The following CDC42BPA variants were observed in gnomAD, a reference collection of about 807,000 sequenced individuals.
The protein encoded by CDC42BPA is CDC42 binding protein kinase alpha.
A neutral mutation model predicts 223.5 loss-of-function variants in CDC42BPA; 80 were observed. The ratio of observed to expected loss-of-function variants is 0.36; its 90% CI spans 0.30 to 0.43. CDC42BPA has a LOEUF of 0.43. Ranked by LOEUF, CDC42BPA falls within the 20% of genes least tolerant of loss-of-function variation. CDC42BPA has a pLI of 1.00. For synonymous variants in CDC42BPA, 694 were observed against 718.6 expected (o/e 0.97, Z 0.55); for missense variants, 1,743 against 2,099.9 (o/e 0.83, Z 3.32).
intron 14 of CDC42BPA, among the ~76,000 whole-genome samples, chr1:227,105,356 C>CTTT (rs35065841): frequency 1.3e-3 from 120 of 91,660 alleles, no homozygotes; most frequent in African/African-American, 2.3e-3. Flanking sequence ...TGCCTATTCT[C>CTTT]TTTTTTTTTT....
intron 21 of CDC42BPA, chr1:227,068,468 C>A (rs1298629881): frequency 6.0e-6 from 1 of 166,650 alleles, no homozygotes; most frequent in African/African-American, 2.4e-5. Context: ...TAAATTTTTA[C>A]TTCATTATGT....
chr1:227,019,116 A>G (rs1208683893), intron 32 of CDC42BPA, among the ~76,000 whole-genome samples: 1 of 152,212 alleles, frequency 6.6e-6, no homozygotes, highest in East Asian at 1.9e-4. Context: ...ATTCCTTTCA[A>G]AACTGGAGTG....
In CDC42BPA at chr1:227,317,525, A is replaced by C. The variant is rs554434493; in HGVS notation, c.-343T>G. On this transcript the variant is annotated 5_prime_UTR_variant, in exon 1 of 37. Transcript: ENST00000366766. Reference sequence around the variant, plus strand: ...CAACACTTCTTTAAAAAAAAAAAAAAAAACTCTTCTCCTTCATTCAAAATT... The same window carrying C: ...CAACACTTCTTTAAAAAAAAAAAAACAAACTCTTCTCCTTCATTCAAAATT... 4.7e-4 allele frequency: 186 copies of C among 393,818 alleles called. No individual in the cohort carries two copies. Among genetic ancestry groups the C allele is most frequent in the African/African-American group, 3.8e-3 (178 of 46,880 alleles). The allele number at this position is 393,818 out of a possible 1,614,324, so 24.4% of individuals were successfully genotyped here.
chr1:227,184,434 T>A (rs1453580225), intron 5 of CDC42BPA, among the ~76,000 whole-genome samples: 1 of 152,118 alleles, frequency 6.6e-6, no homozygotes, highest in Non-Finnish European at 1.5e-5. Flanking sequence ...TGTTCAAGAT[T>A]ATTTTTGCTT....
intron 17 of CDC42BPA, among the ~76,000 whole-genome samples, chr1:227,080,401 T>C (rs1427268926): frequency 1.3e-5 from 2 of 152,118 alleles, no homozygotes; most frequent in Non-Finnish European, 2.9e-5. Flanking sequence ...AAGAAAGAGC[T>C]GATAAAACTA....
At chr1:227,211,874 T>C (rs1371408388) in intron 3 of CDC42BPA, among the ~76,000 whole-genome samples, 1 of 152,102 alleles carries the variant, frequency 6.6e-6, no homozygotes, top group Admixed American at 6.6e-5. Context: ...ATGCAATATA[T>C]GCATGTCAGC....
At chr1:227,136,151 G>A (rs889495687) in intron 10 of CDC42BPA, among the ~76,000 whole-genome samples, 12 of 151,836 alleles carry the variant, frequency 7.9e-5, no homozygotes, top group African/African-American at 2.9e-4. Context: ...AGAAAACAGA[G>A]AAAAAAATAC....
chr1:226,994,548 T>C lies in CDC42BPA; in HGVS notation c.5134-149A>G. Reference sequence around the variant, plus strand: ...TCGGTATAAAGCCCCTTCTATGAGCTGAGGAAGAGGCACGGAACATACAAG... The same window carrying C: ...TCGGTATAAAGCCCCTTCTATGAGCCGAGGAAGAGGCACGGAACATACAAG... On this transcript the variant is annotated intron_variant, in intron 36 of 36. Transcript: ENST00000366766. The surrounding 1 kb of genome is among the most constrained non-coding windows in gnomAD (Gnocchi z 4.0). 1.1e-6 allele frequency: 1 copy of C among 926,640 alleles called. No homozygotes were observed. The highest frequency in any genetic ancestry group is 1.7e-5 in the African/African-American group (1 of 59,482). 57.4% of individuals were successfully genotyped at this position (926,640 alleles called of 1,614,324 possible). A position where few individuals can be genotyped will look rare whatever the true frequency, so the allele number is the denominator to read the frequency against.
intron 2 of CDC42BPA, among the ~76,000 whole-genome samples, chr1:227,237,310 C>G (rs1419677762): frequency 1.3e-5 from 2 of 152,054 alleles, no homozygotes; most frequent in Admixed American, 1.3e-4. Context: ...AAAATCAGAA[C>G]AAAAATAAAA....
intron 2 of CDC42BPA, among the ~76,000 whole-genome samples, chr1:227,245,198 G>A (rs1680703488): frequency 6.6e-6 from 1 of 151,960 alleles, no homozygotes; most frequent in Non-Finnish European, 1.5e-5. Context: ...CCCAACCCAG[G>A]CAGTGCAGCT....
At chr1:227,040,319 T>A (rs557195314) in intron 23 of CDC42BPA, 83 bp from the exon 24 acceptor site, 13 of 758,828 alleles carry the variant, frequency 1.7e-5, no homozygotes, top group Non-Finnish European at 2.5e-5. Flanking sequence ...TACCACTTTC[T>A]AGAATGTTTT....
chr1:227,181,667 C>T (rs374680326), intron 5 of CDC42BPA, among the ~76,000 whole-genome samples: 3 of 152,178 alleles, frequency 2.0e-5, no homozygotes, highest in East Asian at 3.9e-4. Context: ...AGAGTATTTC[C>T]TCCAGTTCTA....
At chr1:227,216,147 C>T (rs924136692) in intron 2 of CDC42BPA, among the ~76,000 whole-genome samples, 4 of 149,404 alleles carry the variant, frequency 2.7e-5, no homozygotes, top group East Asian at 1.9e-4. Flanking sequence ...CACACACACA[C>T]ATAAAATATG....
At chr1:227,228,124 G>A (rs548216680) in intron 2 of CDC42BPA, among the ~76,000 whole-genome samples, 1 of 152,260 alleles carries the variant, frequency 6.6e-6, no homozygotes, top group East Asian at 1.9e-4. Flanking sequence ...GTGGGGAGGT[G>A]GGGGCAGGCC....
intron 5 of CDC42BPA, among the ~76,000 whole-genome samples, chr1:227,162,117 A>G (rs557864035): frequency 5.3e-5 from 8 of 152,310 alleles, no homozygotes; most frequent in Admixed American, 4.6e-4. Flanking sequence ...AGTACTTCTT[A>G]GATTGTAAAG....
chr1:227,168,497 G>GTGTTTTGTTTTTTTTTTTTTTTTTT (rs1302291274), intron 5 of CDC42BPA, among the ~76,000 whole-genome samples: 8 of 80,196 alleles, frequency 1.0e-4, no homozygotes, highest in Admixed American at 1.5e-4. Flanking sequence ...CTTCCCTGGT[G>GTGTTTTGTTTTTTTTTTTTTTTTTT]TTTTTTTTTT....
At chr1:227,019,403 A>C in intron 32 of CDC42BPA, among the ~76,000 whole-genome samples, 1 of 152,152 alleles carries the variant, frequency 6.6e-6, no homozygotes, top group Non-Finnish European at 1.5e-5. Context: ...GGAACCTCTA[A>C]AAGTCATCTA....
intron 3 of CDC42BPA, among the ~76,000 whole-genome samples, chr1:227,206,484 T>G (rs1567802): frequency 0.9 from 137,202 of 152,104 alleles, 62,327 homozygotes; most frequent in Middle Eastern, 0.96. Flanking sequence ...AAATAAGTTG[T>G]ACATAAACCT....
chr1:227,053,286 C>T (rs900334906), intron 21 of CDC42BPA, among the ~76,000 whole-genome samples: 3 of 152,146 alleles, frequency 2.0e-5, no homozygotes, highest in Non-Finnish European at 4.4e-5. Context: ...GAAACACTAT[C>T]GTGCCCTCCA....
Sources: gnomAD v4.1 joint callset for allele counts (sites outside exome capture counted in the v4.1 genomes callset) on GRCh38, gnomAD v4.1.1 for gene constraint, Gnocchi (gnomAD v3.1) non-coding constraint, MANE v1.5 for transcripts, NCBI Gene and HGNC (gene_info 2026-07-23, HGNC 2026-07-21) for gene names.